RLF: variants seen among roughly 807,000 people sequenced by gnomAD.
RLF encodes the protein RLF zinc finger, also known as zinc finger protein Rlf.
A neutral mutation model predicts 162.9 loss-of-function variants in RLF; 7 were observed. The observed-to-expected ratio is 0.04, with a 90% CI of 0.02 to 0.08. RLF has a LOEUF of 0.08. RLF is among the 10% of genes least tolerant of loss of function. RLF has a pLI of 1.00. For missense variants in RLF, 1,664 were observed against 2,244.7 expected (o/e 0.74, Z 5.23); for synonymous variants, 782 against 791.5 (o/e 0.99, Z 0.20).
At chr1:40,194,466 C>T (rs1480863713) in intron 3 of RLF, among the ~76,000 whole-genome samples, 1 of 151,960 alleles carries the variant, frequency 6.6e-6, no homozygotes, top group Non-Finnish European at 1.5e-5. Context: ...GTGGCAAAAC[C>T]CCGTCTCTAC....
chr1:40,194,128 A>G (rs1642597385), intron 3 of RLF, among the ~76,000 whole-genome samples: 1 of 145,510 alleles, frequency 6.9e-6, no homozygotes, highest in Non-Finnish European at 1.5e-5. Context: ...TTTAATGAAC[A>G]AACTATTGGT....
intron 3 of RLF, among the ~76,000 whole-genome samples, chr1:40,194,846 ATTT>A (rs1448903218): frequency 1.7e-4 from 22 of 129,832 alleles, no homozygotes; most frequent in Non-Finnish European, 2.9e-4. Flanking sequence ...TTATTTATTT[ATTT>A]ATGAGACGGA....
intron 1 of RLF, among the ~76,000 whole-genome samples, chr1:40,162,898 T>C (rs999047852): frequency 6.6e-6 from 1 of 152,234 alleles, no homozygotes; most frequent in Non-Finnish European, 1.5e-5. Flanking sequence ...TTACAGATTT[T>C]TACTGACTTC....
chr1:40,210,258 A>G (rs940711975), intron 5 of RLF, among the ~76,000 whole-genome samples: 1 of 152,240 alleles, frequency 6.6e-6, no homozygotes, highest in Non-Finnish European at 1.5e-5. Context: ...CAGAAAGAGA[A>G]GTACTAAGCT....
At chr1:40,185,843 CAAAAA>C (rs33982008) in intron 1 of RLF, among the ~76,000 whole-genome samples, 5 of 67,526 alleles carry the variant, frequency 7.4e-5, no homozygotes, top group East Asian at 5.0e-4. Flanking sequence ...AAAAAAAAAG[CAAAAA>C]AAAAAAAAAA....
At position 40,240,374 on chromosome 1, in the gene RLF, C is replaced by G. The variant is rs780566684; in HGVS notation, c.5672C>G (p.Ser1891Cys). The G allele has an allele frequency of 2.7e-5, 44 of 1,613,992 alleles. No individual in the cohort carries two copies. Among genetic ancestry groups the G allele is most frequent in the Admixed American group, 5.0e-5 (3 of 59,984 alleles). Residue 1891 changes from serine to cysteine, a missense_variant, in exon 8 of 8, where the codon TCT becomes TGT. Physicochemically the swap from Ser to Cys is moderately radical, Grantham distance 112. Coordinates refer to ENST00000372771, the MANE Select transcript of RLF (RefSeq NM_012421.4). ...CGGCCAGTGGTGGTTCTTGAAAGAT[C>G]TAAGTTTTCCACACCAATTTTAGAC... The part of the protein sequence containing the change: ...YLRPVVVLER[S>C]KFSTPILDLF...
intron 4 of RLF, among the ~76,000 whole-genome samples, chr1:40,196,982 C>T (rs992299024): frequency 6.6e-6 from 1 of 152,090 alleles, no homozygotes; most frequent in Non-Finnish European, 1.5e-5. Context: ...ACATTTTTTG[C>T]TATAAAAACA....
chr1:40,161,649 C>T lies in RLF; in HGVS notation c.237+13C>T. On this transcript the variant is annotated intron_variant, in intron 1 of 7. Transcript: ENST00000372771. This position sits in a 1 kb window ranked among gnomAD's most constrained non-coding sequence, Gnocchi z 4.4. ...GAGCTTCTGCCAGGTGAGGGGCTGA[C>T]TGGCTGGCTGAGGGCGGCGGGGCGG... 2 of 1,606,924 alleles carry T rather than the reference C, an allele frequency of 1.2e-6. No homozygotes were observed. Among genetic ancestry groups the T allele is most frequent in the Non-Finnish European group, 1.7e-6 (2 of 1,177,850 alleles).
At chr1:40,194,805 T>C (rs1054551870) in intron 3 of RLF, among the ~76,000 whole-genome samples, 1 of 121,188 alleles carries the variant, frequency 8.3e-6, no homozygotes, top group Non-Finnish European at 1.7e-5. Flanking sequence ...GAAAACATCC[T>C]AGTTATTTAT....
chr1:40,204,069 G>C (rs1367360669), intron 5 of RLF, among the ~76,000 whole-genome samples: 2 of 140,520 alleles, frequency 1.4e-5, no homozygotes, highest in Non-Finnish European at 3.0e-5. Flanking sequence ...GTCTCGCTCT[G>C]TTGCCCAGGC....
chr1:40,173,222 A>G (rs1041462340), intron 1 of RLF, among the ~76,000 whole-genome samples: 3 of 151,714 alleles, frequency 2.0e-5, no homozygotes, highest in Admixed American at 2.0e-4. Flanking sequence ...GATTACAGGC[A>G]TGCGCCACCA....
chr1:40,178,632 G>A (rs201759496), intron 1 of RLF, among the ~76,000 whole-genome samples: 1 of 88,410 alleles, frequency 1.1e-5, no homozygotes, highest in Non-Finnish European at 2.3e-5. Flanking sequence ...TTTTTTTTTT[G>A]TTTTTTTTTT....
At chr1:40,213,378 C>G (rs1642887041) in intron 5 of RLF, among the ~76,000 whole-genome samples, 1 of 152,180 alleles carries the variant, frequency 6.6e-6, no homozygotes, top group Non-Finnish European at 1.5e-5. Flanking sequence ...TTTCAGCCTT[C>G]TTTCAGATAC....
At position 40,240,505 on chromosome 1, in the gene RLF, C is replaced by G; in HGVS notation, c.*58C>G. 1 of 1,252,980 alleles carries G rather than the reference C, an allele frequency of 8.0e-7. No individual in the cohort carries two copies. The allele number at this position is 1,252,980 out of a possible 1,614,324, so 77.6% of individuals were successfully genotyped here. A position where few individuals can be genotyped will look rare whatever the true frequency, so the allele number is the denominator to read the frequency against. On this transcript the variant is annotated 3_prime_UTR_variant, in exon 8 of 8. Transcript: ENST00000372771. Reference sequence around the variant, plus strand: ...CAACACTGCAACATGGGGACATTTGCCAACTCGAACAAAGGCTGAGAAGCA... The same window carrying G: ...CAACACTGCAACATGGGGACATTTGGCAACTCGAACAAAGGCTGAGAAGCA...
At chr1:40,187,674 T>C (rs1642500512) in intron 1 of RLF, among the ~76,000 whole-genome samples, 1 of 152,214 alleles carries the variant, frequency 6.6e-6, no homozygotes, top group Non-Finnish European at 1.5e-5. Context: ...TATGGTATAA[T>C]GGTCTATGGT....
At chr1:40,223,721 C>T (rs1643025491) in intron 6 of RLF, among the ~76,000 whole-genome samples, 1 of 151,996 alleles carries the variant, frequency 6.6e-6, no homozygotes, top group African/African-American at 2.4e-5. Flanking sequence ...GTAATCTCAC[C>T]CAGTCCTCAT....
At chr1:40,195,310 G>A (rs541521810) in intron 3 of RLF, among the ~76,000 whole-genome samples, 3 of 151,954 alleles carry the variant, frequency 2.0e-5, no homozygotes, top group South Asian at 2.1e-4. Flanking sequence ...TTAGCTGGGC[G>A]CGGTGACAGA....
At chr1:40,176,606 A>AT (rs1008908029) in intron 1 of RLF, among the ~76,000 whole-genome samples, 6 of 152,024 alleles carry the variant, frequency 3.9e-5, no homozygotes, top group Admixed American at 6.6e-5. Context: ...CACCTGGCTA[A>AT]TTTTTTTGTA....
rs569442871 is a variant in RLF, at chr1:40,164,697, G to T, written c.237+3061G>T. ...CAGGATTCCTTAAGTTTTACAATTG[G>T]TGTCTCTATTTGTAACACAAATTTT... is the stretch of plus-strand genomic sequence containing the variant. On this transcript the variant is annotated intron_variant, in intron 1 of 7. Coordinates refer to ENST00000372771, the MANE Select transcript of RLF (RefSeq NM_012421.4). Among the ~76,000 whole-genome samples, 5 of 152,030 alleles carry T rather than the reference G, an allele frequency of 3.3e-5. No homozygotes were observed. The East Asian group carries it at 9.6e-4, about 29-fold the overall frequency.
Sources: allele counts gnomAD v4.1 joint callset (sites outside exome capture counted in the v4.1 genomes callset), GRCh38; gene constraint gnomAD v4.1.1; non-coding constraint Gnocchi (gnomAD v3.1); transcripts MANE v1.5; gene names NCBI Gene and HGNC (gene_info 2026-07-23, HGNC 2026-07-21).